Variants in WDPCP observed in about 807,000 individuals in gnomAD.
WDPCP encodes the protein WD repeat-containing and planar cell polarity effector protein fritz homolog.
Under a neutral mutation model 93.1 loss-of-function variants are expected in WDPCP, and 71 were observed. The observed-to-expected ratio is 0.76, with a 90% confidence interval of 0.63 to 0.93. The LOEUF (loss-of-function observed/expected upper bound fraction) is 0.93. WDPCP is among the 40% of genes least tolerant of loss of function. The pLI is 0.00. For missense variants in WDPCP, 844 were observed against 887.4 expected (o/e 0.95, Z 0.62); for synonymous variants, 315 against 315.0 (o/e 1.00, Z 0.00).
intron 6 of WDPCP, among the ~76,000 whole-genome samples, chr2:63,450,359 G>A (rs955716592): frequency 2.6e-5 from 4 of 152,212 alleles, no homozygotes; most frequent in Non-Finnish European, 5.9e-5. Context: ...TGGCAACCCC[G>A]CACTGCAGCC....
chr2:63,642,163 G>C (rs781177138), intron 3 of WDPCP, among the ~76,000 whole-genome samples: 1 of 151,818 alleles, frequency 6.6e-6, no homozygotes, highest in Non-Finnish European at 1.5e-5. Flanking sequence ...TGCCAGTCCC[G>C]TGCTGTTTTG....
At chr2:63,341,512 G>C (rs1688838196) in intron 12 of WDPCP, among the ~76,000 whole-genome samples, 3 of 152,164 alleles carry the variant, frequency 2.0e-5, no homozygotes, top group African/African-American at 7.2e-5. Flanking sequence ...TGTGGGTAGT[G>C]GGTAGTGTAT....
At chr2:63,493,086 A>T in intron 1 of WDPCP, 146 bp from the exon 2 acceptor site, 1 of 691,702 alleles carries the variant, frequency 1.4e-6, no homozygotes. Context: ...ACTCTAGTGT[A>T]TCCTTGGTTA....
At chr2:63,208,928 C>A (rs930280049) in intron 14 of WDPCP, among the ~76,000 whole-genome samples, 1 of 152,154 alleles carries the variant, frequency 6.6e-6, no homozygotes, top group Non-Finnish European at 1.5e-5. Flanking sequence ...CATAGGTATA[C>A]CTGCACCCTC....
intron 14 of WDPCP, among the ~76,000 whole-genome samples, chr2:63,206,734 C>A (rs997794401): frequency 1.3e-5 from 2 of 152,014 alleles, no homozygotes; most frequent in Non-Finnish European, 2.9e-5. Flanking sequence ...TCTTATTCTC[C>A]CTATATTTTT....
intron 1 of WDPCP, among the ~76,000 whole-genome samples, chr2:63,551,912 A>C (rs1339427739): frequency 1.4e-5 from 2 of 146,172 alleles, no homozygotes; most frequent in Admixed American, 1.4e-4. Context: ...AAATCTTCTT[A>C]TCCTAGTATA....
chr2:63,487,191 G>T (rs1030121105), intron 3 of WDPCP, among the ~76,000 whole-genome samples: 4 of 151,968 alleles, frequency 2.6e-5, no homozygotes, highest in Non-Finnish European at 5.9e-5. Flanking sequence ...AATGTGAATA[G>T]ACTGCCCTAT....
chr2:63,673,226 G>C (rs1030225111), intron 2 of WDPCP, among the ~76,000 whole-genome samples: 56 of 152,158 alleles, frequency 3.7e-4, no homozygotes, highest in South Asian at 2.1e-4. Flanking sequence ...AAACCACTTA[G>C]AAAATAGTGT....
chr2:63,665,933 G>A (rs1425098003), intron 2 of WDPCP, among the ~76,000 whole-genome samples: 1 of 152,240 alleles, frequency 6.6e-6, no homozygotes, highest in Non-Finnish European at 1.5e-5. Flanking sequence ...GTTTGGTGGT[G>A]TCACTTCCTA....
intron 2 of WDPCP, among the ~76,000 whole-genome samples, chr2:63,731,974 T>G (rs1575760410): frequency 6.6e-6 from 1 of 152,296 alleles, no homozygotes; most frequent in East Asian, 1.9e-4. Flanking sequence ...CCAGACAAAC[T>G]GCTAAAATCA....
At chr2:63,417,875 A>G (rs978968504) in intron 9 of WDPCP, among the ~76,000 whole-genome samples, 1 of 151,386 alleles carries the variant, frequency 6.6e-6, no homozygotes, top group Non-Finnish European at 1.5e-5. Context: ...AGAAATGGAC[A>G]ATCATCAATA....
At chr2:63,663,621 G>A (rs576527437) in intron 2 of WDPCP, among the ~76,000 whole-genome samples, 1 of 152,150 alleles carries the variant, frequency 6.6e-6, no homozygotes, top group Non-Finnish European at 1.5e-5. Context: ...AGATTTTGTA[G>A]GTGTGATTTA....
intron 2 of WDPCP, among the ~76,000 whole-genome samples, chr2:63,743,718 A>G (rs561420705): frequency 2.0e-5 from 3 of 152,266 alleles, no homozygotes; most frequent in Non-Finnish European, 4.4e-5. Flanking sequence ...ATTACATTGT[A>G]GACCTTGTGA....
chr2:63,428,120 G>A (rs1696455281), intron 9 of WDPCP, among the ~76,000 whole-genome samples: 1 of 151,542 alleles, frequency 6.6e-6, no homozygotes, highest in African/African-American at 2.4e-5. Flanking sequence ...GGACCAGATG[G>A]ATTCACAGCC....
At chr2:63,745,645 C>A (rs1575763306) in intron 2 of WDPCP, among the ~76,000 whole-genome samples, 1 of 8,570 alleles carries the variant, frequency 1.2e-4, no homozygotes, top group African/African-American at 1.5e-4. Flanking sequence ...CACGCACTTA[C>A]ACACACACAC....
Position 63,753,826 on chromosome 2 carries a change from G to A in WDPCP, n.308+59796C>T, listed in dbSNP as rs1003309700. On this transcript the variant is annotated intron_variant and non_coding_transcript_variant, in intron 2 of 4. Transcript: ENST00000467687. The stretch of plus-strand genomic sequence containing the variant: ...AGGGACACAGATCCAAACAATATAA[G>A]TTATGGAAGTACCTGAGAAGAGGAT... Among the ~76,000 whole-genome samples, 7 of 152,120 alleles carry A rather than the reference G, an allele frequency of 4.6e-5. No homozygotes were observed. The South Asian group carries it at 8.3e-4, about 18-fold the overall frequency.
intron 12 of WDPCP, among the ~76,000 whole-genome samples, chr2:63,319,151 G>A (rs1390032799): frequency 2.0e-5 from 3 of 152,104 alleles, no homozygotes; most frequent in African/African-American, 7.2e-5. Context: ...TGTTTTTGTT[G>A]CAATTGCTTG....
chr2:63,636,477 TG>T (rs1709921629), intron 3 of WDPCP, among the ~76,000 whole-genome samples: 1 of 152,142 alleles, frequency 6.6e-6, no homozygotes, highest in Non-Finnish European at 1.5e-5. Context: ...TCGCCCAGAC[TG>T]GAGGGCAATG....
intron 13 of WDPCP, among the ~76,000 whole-genome samples, chr2:63,275,648 C>T (rs1683023559): frequency 6.6e-6 from 1 of 151,910 alleles, no homozygotes; most frequent in South Asian, 2.1e-4. Flanking sequence ...GCAATGGCCA[C>T]AAAAAAATAC....
Sources: gnomAD v4.1 joint callset for allele counts (sites outside exome capture counted in the v4.1 genomes callset) on GRCh38, gnomAD v4.1.1 for gene constraint, MANE v1.5 for transcripts, NCBI Gene and HGNC (gene_info 2026-07-23, HGNC 2026-07-21) for gene names.